The following MDGA2 variants were observed in gnomAD, a reference collection of about 807,000 sequenced individuals.
The protein encoded by MDGA2 is MAM domain-containing glycosylphosphatidylinositol anchor protein 2.
In MDGA2, 40 loss-of-function variants were observed where a neutral mutation model predicts 117.8. The ratio of observed to expected loss-of-function variants is 0.34; its 90% CI spans 0.26 to 0.44. The LOEUF (loss-of-function observed/expected upper bound fraction) is 0.44, where lower values mean the gene tolerates loss of function less well. MDGA2 is among the 20% of genes least tolerant of loss of function. MDGA2 has a pLI of 1.00. For synonymous variants in MDGA2, 452 were observed against 439.0 expected (o/e 1.03, Z -0.37); for missense variants, 1,123 against 1,250.6 (o/e 0.90, Z 1.54).
chr14:47,572,708 G>C (rs1896043282), intron 1 of MDGA2, among the ~76,000 whole-genome samples: 1 of 152,052 alleles, frequency 6.6e-6, no homozygotes, highest in Non-Finnish European at 1.5e-5. Flanking sequence ...CCAAGTTTCT[G>C]GGAAGGCAAC....
rs200625450 is a variant in MDGA2, at chr14:47,561,158, G to GT, written c.280+113358dup. Among the ~76,000 whole-genome samples, 159 of 54,990 alleles carry GT rather than the reference G, an allele frequency of 2.9e-3. 8 individuals are homozygous for GT. Among genetic ancestry groups the GT allele is most frequent in the East Asian group, 5.3e-3 (4 of 758 alleles). 36.1% of individuals were successfully genotyped at this position (54,990 alleles called of 152,430 possible). A position where few individuals can be genotyped will look rare whatever the true frequency, so the allele number is the denominator to read the frequency against. On this transcript the variant is annotated intron_variant, in intron 1 of 16. Transcript: ENST00000399232. ...CTATCTTTGTTTTTTTTTTTGTTTT[G>GT]TTTTGTTTTTTTGTTTGTTTGTTTT...
intron 3 of MDGA2, among the ~76,000 whole-genome samples, chr14:47,191,689 C>T (rs1594710489): frequency 6.6e-6 from 1 of 152,100 alleles, no homozygotes; most frequent in Non-Finnish European, 1.5e-5. Context: ...TGAGTTGCTA[C>T]TTTTCTACCC....
chr14:47,098,928 T>C (rs1880142410), intron 5 of MDGA2, among the ~76,000 whole-genome samples: 1 of 151,896 alleles, frequency 6.6e-6, no homozygotes, highest in African/African-American at 2.4e-5. Flanking sequence ...CAAAAAAGCT[T>C]AAGATAATTT....
At chr14:47,582,658 T>C (rs1249738412) in intron 1 of MDGA2, among the ~76,000 whole-genome samples, 1 of 151,940 alleles carries the variant, frequency 6.6e-6, no homozygotes, top group Admixed American at 6.6e-5. Context: ...TTCCATTGTT[T>C]AGCTTAAATA....
At chr14:47,029,572 A>T (rs1256736713) in intron 8 of MDGA2, among the ~76,000 whole-genome samples, 1 of 152,170 alleles carries the variant, frequency 6.6e-6, no homozygotes, top group African/African-American at 2.4e-5. Context: ...AGCAAAAGTG[A>T]CATTCAATGC....
intron 5 of MDGA2, among the ~76,000 whole-genome samples, chr14:47,108,099 T>C (rs1347754697): frequency 6.6e-6 from 1 of 150,806 alleles, no homozygotes; most frequent in Non-Finnish European, 1.5e-5. Flanking sequence ...GGACTAAAGG[T>C]CTTTTAAAAA....
intron 10 of MDGA2, among the ~76,000 whole-genome samples, chr14:46,883,017 G>A (rs1882525367): frequency 6.6e-6 from 1 of 151,964 alleles, no homozygotes; most frequent in African/African-American, 2.4e-5. Context: ...ACAATGCTCA[G>A]ATAATTTCAC....
At chr14:46,848,635 C>T (rs905540573) in intron 15 of MDGA2, among the ~76,000 whole-genome samples, 1 of 148,384 alleles carries the variant, frequency 6.7e-6, no homozygotes, top group South Asian at 2.1e-4. Flanking sequence ...AAGATTGGAC[C>T]TAGGCTTGTG....
rs757200139 is a variant in MDGA2, at chr14:47,271,062, T to C, written c.420+30349A>G. 4.9e-4 allele frequency among the ~76,000 whole-genome samples: 75 copies of C among 152,166 alleles called. 1 individual carries two copies. The highest frequency in any genetic ancestry group is 1.2e-4 in the Non-Finnish European group (8 of 68,028). ...TACTAACTTTAGTCTTGAATGCATA[T>C]GCTCTGCAGTAGAAAATGCAAGGTT... is the stretch of plus-strand genomic sequence containing the variant. On this transcript the variant is annotated intron_variant, in intron 2 of 16. Coordinates refer to ENST00000399232, the MANE Select transcript of MDGA2 (RefSeq NM_001113498.3).
At chr14:47,104,860 A>G (rs1481833552) in intron 5 of MDGA2, among the ~76,000 whole-genome samples, 1 of 150,558 alleles carries the variant, frequency 6.6e-6, no homozygotes, top group Non-Finnish European at 1.5e-5. Context: ...CTCTTCTCCA[A>G]CCTCCCTCAC....
At chr14:47,512,821 T>G (rs1894669867) in intron 1 of MDGA2, among the ~76,000 whole-genome samples, 1 of 152,082 alleles carries the variant, frequency 6.6e-6, no homozygotes, top group Admixed American at 6.5e-5. Flanking sequence ...GTCCCATGTT[T>G]TATCATCCTC....
At chr14:46,862,460 A>T (rs1881549555) in intron 14 of MDGA2, among the ~76,000 whole-genome samples, 1 of 149,400 alleles carries the variant, frequency 6.7e-6, no homozygotes, top group African/African-American at 2.4e-5. Flanking sequence ...ATTTATCACT[A>T]CTGTTAACCT....
chr14:46,970,955 A>G (rs559103983), intron 8 of MDGA2, among the ~76,000 whole-genome samples: 3 of 152,256 alleles, frequency 2.0e-5, no homozygotes, highest in South Asian at 4.1e-4. Flanking sequence ...ATCACTAATC[A>G]TTAGGAAAAT....
intron 1 of MDGA2, among the ~76,000 whole-genome samples, chr14:47,421,045 C>T (rs963234625): frequency 6.6e-6 from 1 of 151,980 alleles, no homozygotes; most frequent in Non-Finnish European, 1.5e-5. Flanking sequence ...AGGAAGAGTG[C>T]CGCTGTTCTT....
chr14:47,375,925 G>A lies in MDGA2; in HGVS notation c.281-74375C>T, dbSNP rs1891468380. On this transcript the variant is annotated intron_variant, in intron 1 of 16. Transcript: ENST00000399232. Reference sequence around the variant, plus strand: ...TGGGTAATCTATTACCTATTACCATGTGGAAAACTTGATTTGCTCTTATTT... The same window carrying A: ...TGGGTAATCTATTACCTATTACCATATGGAAAACTTGATTTGCTCTTATTT... 2.0e-5 allele frequency among the ~76,000 whole-genome samples: 3 copies of A among 152,086 alleles called. No individual in the cohort carries two copies. The South Asian group carries it at 6.2e-4, about 31-fold the overall frequency.
chr14:46,995,556 T>C (rs547259972), intron 8 of MDGA2, among the ~76,000 whole-genome samples: 14 of 151,168 alleles, frequency 9.3e-5, no homozygotes, highest in Admixed American at 5.3e-4. Flanking sequence ...TAACCATTGC[T>C]TTTTTTTTGA....
intron 1 of MDGA2, among the ~76,000 whole-genome samples, chr14:47,392,744 T>C (rs1891924936): frequency 6.6e-6 from 1 of 152,064 alleles, no homozygotes; most frequent in Non-Finnish European, 1.5e-5. Flanking sequence ...GAGGTAGACA[T>C]ACATATTTTT....
At chr14:47,638,720 T>G (rs532244528) in intron 1 of MDGA2, among the ~76,000 whole-genome samples, 6 of 152,322 alleles carry the variant, frequency 3.9e-5, no homozygotes, top group Non-Finnish European at 1.5e-5. Flanking sequence ...CTATGGCAAG[T>G]GCCTTCTAAC....
rs1220722701 is a variant in MDGA2 at position 47,155,885 on chromosome 14, CTTCTTTTTTTTTTTTTTTTTT to C, written c.596-11632_596-11612del. 1.7e-3 allele frequency among the ~76,000 whole-genome samples: 137 copies of C among 80,398 alleles called. 4 individuals carry two copies. Among genetic ancestry groups the C allele is most frequent in the African/African-American group, 3.2e-3 (74 of 22,962 alleles). 52.7% of individuals were successfully genotyped at this position (80,398 alleles called of 152,430 possible). ...ACAATTCTTTTCTTTTCTTCTTCTT[CTTCTTTTTTTTTTTTTTTTTT>C]TTTTTTTTTTTTTTTTTTTTTTTTT... On this transcript the variant is annotated intron_variant, in intron 3 of 16. Transcript: ENST00000399232.
Sources: allele counts gnomAD v4.1 joint callset (sites outside exome capture counted in the v4.1 genomes callset), GRCh38; gene constraint gnomAD v4.1.1; transcripts MANE v1.5; gene names NCBI Gene and HGNC (gene_info 2026-07-23, HGNC 2026-07-21).